The following PTPRM variants were observed in gnomAD, a reference collection of about 807,000 sequenced individuals.
PTPRM encodes the protein protein tyrosine phosphatase receptor type M, also known as receptor-type tyrosine-protein phosphatase mu.
In PTPRM, 47 loss-of-function variants were observed where a neutral mutation model predicts 186.7. The ratio of observed to expected loss-of-function variants is 0.25; its 90% CI spans 0.20 to 0.32. The LOEUF (loss-of-function observed/expected upper bound fraction) is 0.32, where lower values mean the gene tolerates loss of function less well. Among genes scored for constraint, PTPRM ranks in the 10% least tolerant of loss-of-function variants. The pLI, the probability that PTPRM is intolerant of heterozygous loss-of-function variation, is 1.00. For synonymous variants in PTPRM, 668 were observed against 674.9 expected, an observed-to-expected ratio of 0.99 and a Z score of 0.16; for missense variants, 1,494 against 1,865.0, an observed-to-expected ratio of 0.80 and a Z score of 3.66.
intron 20 of PTPRM, among the ~76,000 whole-genome samples, chr18:8,307,561 T>C (rs1023837184): frequency 6.6e-6 from 1 of 152,162 alleles, no homozygotes; most frequent in African/African-American, 2.4e-5. Flanking sequence ...CTTAGCACTT[T>C]GGGAGGCCAA....
intron 13 of PTPRM, among the ~76,000 whole-genome samples, chr18:8,132,936 A>G (rs1354210628): frequency 1.3e-5 from 2 of 152,202 alleles, no homozygotes; most frequent in South Asian, 2.1e-4. Flanking sequence ...CTGTAACAGA[A>G]TACCACAAAT....
intron 20 of PTPRM, 85 bp from the exon 21 acceptor site, chr18:8,314,696 T>C (rs1021670885): frequency 1.3e-5 from 11 of 862,298 alleles, no homozygotes; most frequent in Non-Finnish European, 1.9e-5. Context: ...GTGATCTCTA[T>C]GTAATATGCT....
chr18:7,864,229 T>C (rs542052471), intron 2 of PTPRM, among the ~76,000 whole-genome samples: 2 of 152,356 alleles, frequency 1.3e-5, no homozygotes, highest in South Asian at 2.1e-4. Context: ...TTTTGGCTGT[T>C]GTTGCAATTG....
chr18:8,389,393 C>G (rs1348268044), intron 31 of PTPRM, among the ~76,000 whole-genome samples: 3 of 152,198 alleles, frequency 2.0e-5, no homozygotes, highest in African/African-American at 7.2e-5. Context: ...ACACACTTCC[C>G]AGAGGCAGCT....
intron 1 of PTPRM, among the ~76,000 whole-genome samples, chr18:7,757,129 C>T (rs534354905): frequency 6.6e-6 from 1 of 152,330 alleles, no homozygotes; most frequent in East Asian, 1.9e-4. Flanking sequence ...TTCCCAGCTA[C>T]ACCTTAAATG....
At chr18:7,898,874 A>G (rs2049510576) in intron 3 of PTPRM, among the ~76,000 whole-genome samples, 1 of 152,254 alleles carries the variant, frequency 6.6e-6, no homozygotes, top group Non-Finnish European at 1.5e-5. Context: ...ACACTGAATT[A>G]GTGAATACTG....
chr18:7,708,822 G>A (rs954492988), intron 1 of PTPRM, among the ~76,000 whole-genome samples: 2 of 152,024 alleles, frequency 1.3e-5, no homozygotes, highest in Admixed American at 1.3e-4. Context: ...ATAGAAAATA[G>A]CATAATAATC....
chr18:7,567,666 C>A lies in PTPRM; in HGVS notation c.-153C>A. On this transcript the variant is annotated 5_prime_UTR_variant, in exon 1 of 33. Transcript: ENST00000580170. The surrounding 1 kb of genome is among the most constrained non-coding windows in gnomAD (Gnocchi z 4.3). ...GCCCCTGGAGCCGCTGGAGTTCGGA[C>A]TTCTGCAACTGTTGGCACTTTGGGG... 1.6e-6 allele frequency: 1 copy of A among 623,636 alleles called. No homozygotes were observed. Among genetic ancestry groups the A allele is most frequent in the Non-Finnish European group, 2.5e-6 (1 of 396,298 alleles). The allele number at this position is 623,636 out of a possible 1,614,324, so 38.6% of individuals were successfully genotyped here. A position where few individuals can be genotyped will look rare whatever the true frequency, so the allele number is the denominator to read the frequency against.
intron 1 of PTPRM, among the ~76,000 whole-genome samples, chr18:7,697,235 AG>A (rs1424687866): frequency 1.3e-5 from 2 of 152,188 alleles, no homozygotes; most frequent in Non-Finnish European, 2.9e-5. Context: ...TCGATGAAGC[AG>A]TTTGCTGGAG....
intron 14 of PTPRM, among the ~76,000 whole-genome samples, chr18:8,153,011 T>C (rs558994906): frequency 3.0e-4 from 46 of 152,300 alleles, no homozygotes; most frequent in African/African-American, 1.1e-3. Flanking sequence ...CCACTGCGCC[T>C]GGCCTTTCCT....
chr18:7,765,159 C>T lies in PTPRM; in HGVS notation c.74-8990C>T, dbSNP rs896375541. Among the ~76,000 whole-genome samples, 7 of 151,998 alleles carry T rather than the reference C, an allele frequency of 4.6e-5. No homozygotes were observed. The East Asian group carries it at 5.8e-4, about 13-fold the overall frequency. On this transcript the variant is annotated intron_variant, in intron 1 of 32. Coordinates refer to ENST00000580170, the MANE Select transcript of PTPRM (RefSeq NM_001105244.2). ...ATAAGAAAAATACATCTTTGTTTGT[C>T]GCAACTCAGCCTTTTAAAAAATTAG...
chr18:7,697,198 T>A (rs561832610), intron 1 of PTPRM, among the ~76,000 whole-genome samples: 17 of 152,216 alleles, frequency 1.1e-4, no homozygotes, highest in Non-Finnish European at 2.1e-4. Flanking sequence ...TAACACATTA[T>A]CTTCCCAGAA....
chr18:8,272,657 T>G (rs1601580976), intron 19 of PTPRM, among the ~76,000 whole-genome samples: 1 of 152,314 alleles, frequency 6.6e-6, no homozygotes, highest in South Asian at 2.1e-4. Flanking sequence ...TTGATTGCAT[T>G]ATATACAATC....
At chr18:7,764,142 C>G (rs1388328191) in intron 1 of PTPRM, among the ~76,000 whole-genome samples, 2 of 152,092 alleles carry the variant, frequency 1.3e-5, no homozygotes, top group Admixed American at 6.5e-5. Flanking sequence ...TGTCCTTTAT[C>G]ATCTGAGAGG....
At chr18:8,038,719 C>T (rs950376104) in intron 7 of PTPRM, among the ~76,000 whole-genome samples, 7 of 152,070 alleles carry the variant, frequency 4.6e-5, no homozygotes, top group South Asian at 2.1e-4. Context: ...AGCACATAGC[C>T]GTATTTCCAA....
At chr18:7,569,449 A>T (rs1431476012) in intron 1 of PTPRM, among the ~76,000 whole-genome samples, 1 of 152,254 alleles carries the variant, frequency 6.6e-6, no homozygotes, top group African/African-American at 2.4e-5. Context: ...TATAAAACTG[A>T]TGCAGAATTT....
chr18:8,010,604 C>A (rs2084467676), intron 7 of PTPRM, among the ~76,000 whole-genome samples: 1 of 152,082 alleles, frequency 6.6e-6, no homozygotes, highest in Admixed American at 6.5e-5. Flanking sequence ...GGCTGGGTGG[C>A]AGCACAGGAA....
chr18:8,176,205 TAGAGAG>T (rs3046337), intron 14 of PTPRM, among the ~76,000 whole-genome samples: 226 of 149,720 alleles, frequency 1.5e-3, no homozygotes, highest in African/African-American at 4.1e-3. Flanking sequence ...GGCAGTATAA[TAGAGAG>T]AGAGAGAGAG....
At chr18:7,868,780 T>C (rs767334511) in intron 2 of PTPRM, among the ~76,000 whole-genome samples, 1 of 152,248 alleles carries the variant, frequency 6.6e-6, no homozygotes, top group Non-Finnish European at 1.5e-5. Context: ...CGTTTAAGTC[T>C]GCTGAAGCTG....
Sources: gnomAD v4.1 joint callset for allele counts (sites outside exome capture counted in the v4.1 genomes callset) on GRCh38, gnomAD v4.1.1 for gene constraint, Gnocchi (gnomAD v3.1) non-coding constraint, MANE v1.5 for transcripts, NCBI Gene and HGNC (gene_info 2026-07-23, HGNC 2026-07-21) for gene names.